Variants in CD4 observed in about 807,000 individuals in gnomAD.
CD4 encodes the protein CD4 molecule.
CD4 carries 25 observed loss-of-function variants against 50.5 expected under a neutral mutation model. That is an observed-to-expected ratio of 0.49 (90% CI 0.36 to 0.69). The LOEUF (loss-of-function observed/expected upper bound fraction) is 0.69. Ranked by LOEUF, CD4 falls within the 30% of genes least tolerant of loss-of-function variation. The probability of loss-of-function intolerance (pLI) is 0.00; values close to 1 mark genes in which losing one functional copy is unlikely to be tolerated. For synonymous variants in CD4, 207 were observed against 221.9 expected, an observed-to-expected ratio of 0.93 and a Z score of 0.60; for missense variants, 456 against 548.5, an observed-to-expected ratio of 0.83 and a Z score of 1.68.
chr12:6,812,767 ATTTTTGTGTGTGTGTGTGTG>A (rs782602651), intron 3 of CD4, among the ~76,000 whole-genome samples: 1 of 144,372 alleles, frequency 6.9e-6, no homozygotes, highest in Admixed American at 6.8e-5. Context: ...AACCAAGGTT[ATTTTTGTGTGTGTGTGTGTG>A]TGTGTGTGTG....
At chr12:6,790,016 G>A (rs1445727980) in intron 1 of CD4, among the ~76,000 whole-genome samples, 2 of 152,156 alleles carry the variant, frequency 1.3e-5, no homozygotes, top group Non-Finnish European at 2.9e-5. Flanking sequence ...GTGGGCAGTT[G>A]AGGGGAGAAG....
intron 1 of CD4, chr12:6,799,195 C>G (rs1470371540): frequency 6.6e-6 from 1 of 152,166 alleles, no homozygotes; most frequent in Non-Finnish European, 1.5e-5. Flanking sequence ...ACACAAATAG[C>G]AAAGCAGCAA....
Position 6,818,347 on chromosome 12 carries a change from G to T in CD4, c.1157-74G>T. ...GTCAAACCAGAGACTGGCCAGGAGG[G>T]ATTGCAGGGCAGTCCTCAGTCCCCT... On this transcript the variant is annotated intron_variant, in intron 7 of 9. Coordinates refer to ENST00000011653, the MANE Select transcript of CD4 (RefSeq NM_000616.5). This position sits in a 1 kb window ranked among gnomAD's most constrained non-coding sequence, Gnocchi z 5.0. 6.3e-7 allele frequency: 1 copy of T among 1,579,528 alleles called. No homozygotes were observed. Among genetic ancestry groups the T allele is most frequent in the Non-Finnish European group, 8.6e-7 (1 of 1,160,498 alleles).
intron 1 of CD4, among the ~76,000 whole-genome samples, chr12:6,790,020 G>C (rs28989524): frequency 0.039 from 5,991 of 152,128 alleles, 391 homozygotes; most frequent in African/African-American, 0.13. Context: ...GCAGTTGAGG[G>C]GAGAAGACTG....
intron 1 of CD4, among the ~76,000 whole-genome samples, chr12:6,794,465 G>A (rs11615628): frequency 0.25 from 37,865 of 151,106 alleles, 5,086 homozygotes; most frequent in Middle Eastern, 0.32. Context: ...TCCGCCTCCC[G>A]GGTTCAAGTG....
chr12:6,814,459 A>G, intron 4 of CD4, 159 bp downstream of exon 4: 1 of 748,756 alleles, frequency 1.3e-6, no homozygotes, highest in Non-Finnish European at 2.1e-6. Context: ...ACCCTTCTTG[A>G]TCAGGTGAGG....
In CD4 at chr12:6,817,309, C is replaced by T. The variant is rs200632431; in HGVS notation, c.1135C>T (p.Leu379=). 1.1e-5 allele frequency: 17 copies of T among 1,558,918 alleles called. No individual in the cohort carries two copies. The highest frequency in any genetic ancestry group is 1.5e-5 in the Non-Finnish European group (17 of 1,150,478). Residue 379 remains leucine (L), a synonymous_variant, in exon 7 of 10, where the codon CTG becomes TTG. Coordinates refer to ENST00000011653, the MANE Select transcript of CD4 (RefSeq NM_000616.5). ...TCTGCTGAGTGACTCGGGACAGGTC[C>T]TGCTGGAATCCAACATCAAGGGTAA... ...QCLLSDSGQV[L]LESNIKVLPT...
chr12:6,818,591 C>A lies in CD4; in HGVS notation c.1278+49C>A. 2 of 1,608,022 alleles carry A rather than the reference C, an allele frequency of 1.2e-6. No individual in the cohort carries two copies. The highest frequency in any genetic ancestry group is 2.2e-5 in the South Asian group (2 of 90,792). On this transcript the variant is annotated intron_variant, in intron 8 of 9. Transcript: ENST00000011653. The surrounding 1 kb of genome is among the most constrained non-coding windows in gnomAD (Gnocchi z 5.0). ...CCACAAGGCCCTCAAACCCCTGAGT[C>A]CTCTACCAGGAGATCCTGTATATGG...
chr12:6,814,723 G>A (rs78962090), intron 4 of CD4, 36 bp from the exon 5 acceptor site: 196 of 1,440,720 alleles, frequency 1.4e-4, no homozygotes, highest in Non-Finnish European at 1.7e-4. Context: ...CTTGGGGATG[G>A]TATGTGTGTG....
intron 1 of CD4, among the ~76,000 whole-genome samples, chr12:6,791,220 G>T (rs1942149554): frequency 6.6e-6 from 1 of 152,214 alleles, no homozygotes; most frequent in Non-Finnish European, 1.5e-5. Flanking sequence ...CAATTGGCTA[G>T]ACCAATTGTC....
chr12:6,800,208 T>A, intron 2 of CD4, 21 bp downstream of exon 2: 1 of 1,561,846 alleles, frequency 6.4e-7, no homozygotes, highest in Non-Finnish European at 8.7e-7. Flanking sequence ...AGACCTGGGG[T>A]CTCAATGCAG....
At position 6,791,629 on chromosome 12, in the gene CD4, C is replaced by T. The variant is rs28917468; in HGVS notation, c.-68+1967C>T. On this transcript the variant is annotated intron_variant, in intron 1 of 9. Coordinates refer to ENST00000011653, the MANE Select transcript of CD4 (RefSeq NM_000616.5). ...GGCGTGGTGGCCCACACCAGTAATC[C>T]CAGCCCTTTGAGAGGCCGAGGCAGG... 5.4e-3 allele frequency among the ~76,000 whole-genome samples: 827 copies of T among 152,274 alleles called. 10 individuals are homozygous for T. Among genetic ancestry groups the T allele is most frequent in the African/African-American group, 0.016 (674 of 41,554 alleles).
intron 1 of CD4, chr12:6,799,769 C>T (rs1942479649): frequency 4.8e-6 from 1 of 210,170 alleles, no homozygotes; most frequent in East Asian, 1.2e-4. Flanking sequence ...GCATGAGCCA[C>T]CGCACCCAGC....
At chr12:6,797,228 C>T (rs192094187) in intron 1 of CD4, among the ~76,000 whole-genome samples, 1 of 152,192 alleles carries the variant, frequency 6.6e-6, no homozygotes, top group African/African-American at 2.4e-5. Flanking sequence ...CATTCAGAGC[C>T]TCTCTGCCCT....
At chr12:6,793,988 A>ATCTATCTATCTATCTG (rs1942281349) in intron 1 of CD4, among the ~76,000 whole-genome samples, 2 of 150,738 alleles carry the variant, frequency 1.3e-5, no homozygotes, top group African/African-American at 4.9e-5. Context: ...CTATCTATCT[A>ATCTATCTATCTATCTG]TCTATCTATC....
rs1217573043 is a variant in CD4, at chr12:6,801,379, TG to T, written c.214+913del. Among the ~76,000 whole-genome samples, 29 of 149,628 alleles carry T rather than the reference TG, an allele frequency of 1.9e-4. No homozygotes were observed. The East Asian group carries it at 5.0e-3, about 26-fold the overall frequency. ...TAAAAATACAAAAATTAGCCAGGTG[TG>T]GGGGTGCAGTCCTGTACTTCCAGCT... On this transcript the variant is annotated intron_variant, in intron 3 of 9. Coordinates refer to ENST00000011653, the MANE Select transcript of CD4 (RefSeq NM_000616.5).
intron 1 of CD4, among the ~76,000 whole-genome samples, chr12:6,797,980 G>A (rs988378663): frequency 2.0e-4 from 30 of 152,076 alleles, no homozygotes; most frequent in Admixed American, 6.6e-5. Context: ...GTGTCGGGCT[G>A]GGGGGCTGTA....
chr12:6,805,105 GCC>G (rs55863239), intron 3 of CD4, among the ~76,000 whole-genome samples: 132 of 143,894 alleles, frequency 9.2e-4, no homozygotes, highest in African/African-American at 3.3e-3. Flanking sequence ...GATTGCTTGA[GCC>G]CTAGGAGGGC....
intron 1 of CD4, among the ~76,000 whole-genome samples, chr12:6,795,042 T>G (rs1423522982): frequency 2.0e-5 from 3 of 151,932 alleles, no homozygotes; most frequent in Non-Finnish European, 4.4e-5. Flanking sequence ...CGCCTAAGCC[T>G]CCCAAAGTGC....
Sources: allele counts gnomAD v4.1 joint callset (sites outside exome capture counted in the v4.1 genomes callset), GRCh38; gene constraint gnomAD v4.1.1; non-coding constraint Gnocchi (gnomAD v3.1); transcripts MANE v1.5; gene names NCBI Gene and HGNC (gene_info 2026-07-23, HGNC 2026-07-21).